FASN: variants seen among roughly 807,000 people sequenced by gnomAD.
FASN encodes the protein fatty acid synthase.
A neutral mutation model predicts 250.0 loss-of-function variants in FASN; 50 were observed. The ratio of observed to expected loss-of-function variants is 0.20; its 90% CI spans 0.16 to 0.25. FASN has a LOEUF of 0.25. FASN is among the 10% of genes least tolerant of loss of function. The probability of loss-of-function intolerance (pLI) is 1.00; values close to 1 mark genes in which losing one functional copy is unlikely to be tolerated. For synonymous variants in FASN, 1,909 were observed against 1,584.0 expected (o/e 1.21, Z -4.87); for missense variants, 3,031 against 3,498.5 (o/e 0.87, Z 3.37).
intron 28 of FASN, 29 bp downstream of exon 28, chr17:82,084,205 G>A (rs1410801864): frequency 1.2e-6 from 2 of 1,610,304 alleles, no homozygotes; most frequent in Non-Finnish European, 8.5e-7. Context: ...TCCACGTGGG[G>A]CCCAGGCTCA....
At position 82,079,074 on chromosome 17, in the gene FASN, A is replaced by G. The variant is rs2033940310; in HGVS notation, c.*69T>C. The G allele has an allele frequency of 4.0e-6, 5 of 1,256,262 alleles. No individual in the cohort carries two copies. Among genetic ancestry groups the G allele is most frequent in the Non-Finnish European group, 5.1e-6 (5 of 971,728 alleles). 77.8% of individuals were successfully genotyped at this position (1,256,262 alleles called of 1,614,324 possible). On this transcript the variant is annotated 3_prime_UTR_variant, in exon 43 of 43. Transcript: ENST00000306749. ...CGGCAGGACCCTTCAATCCCGTTGC[A>G]TGGCGGGGGTGGGGTGGGGTGGGGT...
In FASN at chr17:82,093,403, C is replaced by T. The variant is rs2034248176; in HGVS notation, c.471G>A (p.Leu157=). The change falls in exon 5 of 43, where the codon CTG becomes CTA. Residue 157 remains leucine, a synonymous_variant. Transcript: ENST00000306749. ...FFDFRGPSIA[L]DTACSSSLMA... ...TCAGGCTGGAGGAGCAGGCTGTGTC[C>T]AGTGCGATGCTGGGCCCTGCAAGGA... 2 of 1,602,466 alleles carry T rather than the reference C, an allele frequency of 1.2e-6. No homozygotes were observed. The highest frequency in any genetic ancestry group is 1.7e-6 in the Non-Finnish European group (2 of 1,176,888).
rs1326243685 is a variant in FASN at position 82,079,295 on chromosome 17, A to G, written c.7399-15T>C. On this transcript the variant is annotated splice_polypyrimidine_tract_variant and intron_variant, in intron 42 of 42. Transcript: ENST00000306749. Reference sequence around the variant, plus strand: ...CCGTCGCATACCTGCAGGGGATGCGATCAGCTGCCGTCCCACCCCACTCCT... The same window carrying G: ...CCGTCGCATACCTGCAGGGGATGCGGTCAGCTGCCGTCCCACCCCACTCCT... The G allele has an allele frequency of 6.2e-7, 1 of 1,612,956 alleles. No individual in the cohort carries two copies. Among genetic ancestry groups the G allele is most frequent in the Non-Finnish European group, 8.5e-7 (1 of 1,179,918 alleles).
intron 11 of FASN, 40 bp from the exon 12 acceptor site, chr17:82,089,766 GAGCCGCTCCC>G: frequency 6.5e-7 from 1 of 1,530,314 alleles, no homozygotes; most frequent in Non-Finnish European, 8.9e-7. Context: ...CGTGGACACC[GAGCCGCTCCC>G]AGCCACCCAC....
chr17:82,080,586 C>G lies in FASN; in HGVS notation c.6831G>C (p.Ala2277=), dbSNP rs1331907634. The G allele has an allele frequency of 1.5e-5, 23 of 1,554,802 alleles. No individual in the cohort carries two copies. The highest frequency in any genetic ancestry group is 2.0e-5 in the Non-Finnish European group (23 of 1,150,172). The change falls in exon 40 of 43, where the codon GCG becomes GCC. Residue 2277 remains alanine, a synonymous_variant. Transcript: ENST00000306749. ...CCAGGCTGTGGATGCTGTCAAGGGG[C>G]GCAGCTGCAATGGCAGTGCCGGGCA... ...PTYGLQCTRA[A]PLDSIHSLAA...
At chr17:82,083,662 C>T (rs754475737) in intron 30 of FASN, 23 bp from the exon 31 acceptor site, 21 of 1,603,984 alleles carry the variant, frequency 1.3e-5, no homozygotes, top group East Asian at 2.2e-5. Context: ...AGGGGCCAGA[C>T]AATCACACCC....
rs368052188 is a variant in FASN, at chr17:82,084,072, G to C, written c.5001C>G (p.Pro1667=). ...CCGAGTGGATGAGCAGCGTCTCCCCGGGGCGCACCCGCCCACGCACCACCA... is the reference window on the plus strand; with the variant it reads ...CCGAGTGGATGAGCAGCGTCTCCCCCGGGCGCACCCGCCCACGCACCACCA... ...YALVVRGRVR[P]GETLLIHSGS... The change falls in exon 29 of 43, where the codon CCC becomes CCG. Residue 1667 remains proline, a synonymous_variant. Coordinates refer to ENST00000306749, the MANE Select transcript of FASN (RefSeq NM_004104.5). 2.5e-5 allele frequency: 39 copies of C among 1,552,934 alleles called. 1 individual carries two copies. In the South Asian group the frequency reaches 3.9e-4, roughly 16 times the overall value.
Position 82,087,492 on chromosome 17 carries a change from C to A in FASN, c.3056G>T (p.Arg1019Met), listed in dbSNP as rs1391673899. 5 of 1,612,382 alleles carry A rather than the reference C, an allele frequency of 3.1e-6. No homozygotes were observed. The Middle Eastern group carries it at 5.0e-4, about 160-fold the overall frequency. ...LEASLEGDSG[R>M]LLWKDNWVSF... ...CACCCAGTTATCCTTCCACAGCAGC[C>A]TCCCCGAGTCACCTGCACACAGGGC... The change falls in exon 20 of 43, where the codon AGG (arginine) becomes ATG (methionine). Residue 1019 changes from arginine to methionine, a missense_variant. Arg to Met is a moderately conservative substitution (Grantham distance 91). Coordinates refer to ENST00000306749, the MANE Select transcript of FASN (RefSeq NM_004104.5).
Position 82,096,466 on chromosome 17 carries a change from G to A in FASN, c.-7-14C>T, listed in dbSNP as rs769120574. 15 of 1,609,246 alleles carry A rather than the reference G, an allele frequency of 9.3e-6. 1 individual carries two copies. In the East Asian group the frequency reaches 1.1e-4, roughly 12 times the overall value. ...TCCATGGCTGCTCTGCAGGGCGGGC[G>A]GTGTGAGTGCCCCACACATCCCGGC... On this transcript the variant is annotated splice_polypyrimidine_tract_variant and intron_variant, in intron 1 of 42. Coordinates refer to ENST00000306749, the MANE Select transcript of FASN (RefSeq NM_004104.5).
Position 82,085,079 on chromosome 17 carries a change from G to C in FASN, c.4365C>G (p.Gly1455=). ...GCTCTCGGCGGAGACAGTTCACCAA[G>C]CCCACCACGCCCGAGGTGGCACAGT... The part of the protein sequence containing the change: ...AINCATSGVV[G]LVNCLRREPG... The change falls in exon 25 of 43, where the codon GGC becomes GGG. Residue 1455 remains glycine, a synonymous_variant. Coordinates refer to ENST00000306749, the MANE Select transcript of FASN (RefSeq NM_004104.5). The C allele has an allele frequency of 6.2e-7, 1 of 1,612,548 alleles. No individual in the cohort carries two copies. Among genetic ancestry groups the C allele is most frequent in the Middle Eastern group, 1.7e-4 (1 of 6,060 alleles).
At chr17:82,085,208 G>T in intron 24 of FASN, 30 bp downstream of exon 24, 2 of 1,612,338 alleles carry the variant, frequency 1.2e-6, no homozygotes, top group Non-Finnish European at 1.7e-6. Context: ...GGGAGGTGGG[G>T]TGGGGCCTGG....
chr17:82,097,950 C>T (rs1367410900), intron 1 of FASN, among the ~76,000 whole-genome samples, 171 bp downstream of exon 1: 1 of 152,124 alleles, frequency 6.6e-6, no homozygotes, highest in East Asian at 1.9e-4. Context: ...CGGGCGCCTC[C>T]GAAGGGGCAC....
At chr17:82,095,138 G>A (rs2034282006) in intron 3 of FASN, among the ~76,000 whole-genome samples, 182 bp downstream of exon 3, 2 of 152,238 alleles carry the variant, frequency 1.3e-5, no homozygotes, top group African/African-American at 4.8e-5. Flanking sequence ...GGTGCAGTTG[G>A]GAAACTGCGG....
At position 82,091,717 on chromosome 17, in the gene FASN, C is replaced by A; in HGVS notation, c.1030-33G>T. 3 of 1,529,418 alleles carry A rather than the reference C, an allele frequency of 2.0e-6. 1 individual carries two copies. In the South Asian group the frequency reaches 3.7e-5, roughly 19 times the overall value. 94.7% of individuals were successfully genotyped at this position (1,529,418 alleles called of 1,614,324 possible). A position where few individuals can be genotyped will look rare whatever the true frequency, so the allele number is the denominator to read the frequency against. ...GGTACGTGGTGGATGGGCAGCCGCC[C>A]CACTCCCTCTACCACTGCCTGAGCT... On this transcript the variant is annotated intron_variant, in intron 8 of 42. Coordinates refer to ENST00000306749, the MANE Select transcript of FASN (RefSeq NM_004104.5).
intron 38 of FASN, 69 bp downstream of exon 38, chr17:82,081,095 T>C: frequency 6.6e-7 from 1 of 1,514,700 alleles, no homozygotes; most frequent in Non-Finnish European, 8.9e-7. Flanking sequence ...CGGGACACGG[T>C]CCAGACAACA....
chr17:82,094,271 A>C, intron 3 of FASN: 1 of 233,326 alleles, frequency 4.3e-6, no homozygotes, highest in South Asian at 5.4e-5. Flanking sequence ...GACACCGGTC[A>C]CCCCCGGGGA....
At chr17:82,096,509 C>T in intron 1 of FASN, 57 bp from the exon 2 acceptor site, 1 of 1,600,870 alleles carries the variant, frequency 6.2e-7, no homozygotes, top group Non-Finnish European at 8.5e-7. Flanking sequence ...CCCCCGTCAA[C>T]AGCCTCGGCA....
At chr17:82,079,919 G>C (rs771385564) in intron 41 of FASN, 44 of 645,274 alleles carry the variant, frequency 6.8e-5, no homozygotes, top group Non-Finnish European at 1.1e-4. Context: ...CGTTGGTCAG[G>C]CTGGTCTCGA....
chr17:82,090,693 G>C, intron 10 of FASN, 129 bp from the exon 11 acceptor site: 1 of 1,079,224 alleles, frequency 9.3e-7, no homozygotes, highest in Non-Finnish European at 1.4e-6. Context: ...TGATAGGAAA[G>C]AAGCCCCTAT....
Sources: gnomAD v4.1 joint callset for allele counts (sites outside exome capture counted in the v4.1 genomes callset) on GRCh38, gnomAD v4.1.1 for gene constraint, MANE v1.5 for transcripts, NCBI Gene and HGNC (gene_info 2026-07-23, HGNC 2026-07-21) for gene names.